Variants in ATP10A observed in about 807,000 individuals in gnomAD.
ATP10A encodes ATPase phospholipid transporting 10A (putative), also known as phospholipid-transporting ATPase VA.
ATP10A carries 111 observed loss-of-function variants against 147.8 expected under a neutral mutation model. The ratio of observed to expected loss-of-function variants is 0.75; its 90% CI spans 0.64 to 0.88. The LOEUF is 0.88. Among genes scored for constraint, ATP10A ranks in the 40% least tolerant of loss-of-function variants. The pLI, the probability that ATP10A is intolerant of heterozygous loss-of-function variation, is 0.00. For missense variants in ATP10A, 1,927 were observed against 1,959.0 expected (o/e 0.98, Z 0.31); for synonymous variants, 875 against 841.6 (o/e 1.04, Z -0.69).
At chr15:25,863,392 G>T (rs1000646491), upstream of ATP10A, among the ~76,000 whole-genome samples, 5 of 152,062 alleles carry the variant, frequency 3.3e-5, no homozygotes, top group Non-Finnish European at 7.4e-5. Flanking sequence ...CGTTTCCGCC[G>T]CGGTGGCCAC....
chr15:25,855,563 C>CACACACACACACACACAT (rs1396428386), intron 1 of ATP10A, among the ~76,000 whole-genome samples: 1 of 151,800 alleles, frequency 6.6e-6, no homozygotes, highest in African/African-American at 2.4e-5. Flanking sequence ...CACACACACA[C>CACACACACACACACACAT]ACACACACAC....
downstream of ATP10A, among the ~76,000 whole-genome samples, chr15:25,676,937 A>G (rs1899149366): frequency 6.6e-6 from 1 of 152,196 alleles, no homozygotes; most frequent in African/African-American, 2.4e-5. Context: ...GAATGCCTTC[A>G]GTGTTTCAGG....
chr15:25,839,272 A>G (rs1892711052), intron 1 of ATP10A, among the ~76,000 whole-genome samples: 1 of 152,334 alleles, frequency 6.6e-6, no homozygotes, highest in East Asian at 1.9e-4. Flanking sequence ...CATAACTACA[A>G]GAACAAGTAC....
At chr15:25,846,871 T>C (rs1042135886) in intron 1 of ATP10A, among the ~76,000 whole-genome samples, 3 of 152,212 alleles carry the variant, frequency 2.0e-5, no homozygotes, top group South Asian at 2.1e-4. Flanking sequence ...TTTCAATAGA[T>C]ATAAGATATT....
At chr15:25,695,238 TC>T in intron 13 of ATP10A, 92 bp from the exon 14 acceptor site, 1 of 1,275,578 alleles carries the variant, frequency 7.8e-7, no homozygotes, top group Non-Finnish European at 1.1e-6. Flanking sequence ...CTGACATCCT[TC>T]CGGGCTCCAG....
At chr15:25,820,672 A>C (rs755789060) in intron 1 of ATP10A, among the ~76,000 whole-genome samples, 3 of 152,196 alleles carry the variant, frequency 2.0e-5, no homozygotes, top group Non-Finnish European at 4.4e-5. Context: ...GAGTACAATA[A>C]AGGTCGAATT....
intron 13 of ATP10A, among the ~76,000 whole-genome samples, chr15:25,700,329 T>A (rs1422834412): frequency 6.6e-6 from 1 of 152,214 alleles, no homozygotes; most frequent in Non-Finnish European, 1.5e-5. Flanking sequence ...CACATTCACA[T>A]CTAACCTAGG....
chr15:25,732,798 G>A (rs953399660), intron 3 of ATP10A, among the ~76,000 whole-genome samples: 5 of 151,774 alleles, frequency 3.3e-5, no homozygotes, highest in Non-Finnish European at 7.4e-5. Context: ...CTCATGATCT[G>A]CCCGCCCCGG....
chr15:25,683,504 A>G lies in ATP10A; in HGVS notation c.3292-18T>C. On this transcript the variant is annotated intron_variant, in intron 16 of 20. Transcript: ENST00000555815. Reference sequence around the variant, plus strand: ...ACGAACATCTGAAATCAAGAAAGGAAGAACAGGAACAGGCGAGTCTTCAGC... The same window carrying G: ...ACGAACATCTGAAATCAAGAAAGGAGGAACAGGAACAGGCGAGTCTTCAGC... The G allele has an allele frequency of 6.2e-7, 1 of 1,604,162 alleles. No individual in the cohort carries two copies.
At chr15:25,751,863 A>C (rs1888170743) in intron 2 of ATP10A, among the ~76,000 whole-genome samples, 1 of 152,184 alleles carries the variant, frequency 6.6e-6, no homozygotes, top group South Asian at 2.1e-4. Flanking sequence ...GATCTGAATA[A>C]ACATTGCTTA....
intron 13 of ATP10A, among the ~76,000 whole-genome samples, chr15:25,698,355 GA>G (rs1900467290): frequency 6.6e-6 from 1 of 152,300 alleles, no homozygotes; most frequent in Middle Eastern, 3.4e-3. Flanking sequence ...CACGACCAAG[GA>G]AAGAGTCAGT....
Position 25,862,937 on chromosome 15 carries a change from C to G in ATP10A, c.160G>C (p.Gly54Arg). The change falls in exon 1 of 21, where the codon GGG (glycine) becomes CGG (arginine). Residue 54 changes from glycine (G) to arginine (R), a missense_variant. Gly to Arg is a moderately radical substitution (Grantham distance 125). Coordinates refer to ENST00000555815, the MANE Select transcript of ATP10A (RefSeq NM_024490.4). ...AAKGERRRRR[G>R]CAQHLADNRL... ...TTGTCGGCCAGGTGCTGGGCACACC[C>G]GCGCCGCCGTCGCCGCTCGCCCTTG... 6.3e-7 allele frequency: 1 copy of G among 1,580,650 alleles called. No homozygotes were observed. Among genetic ancestry groups the G allele is most frequent in the Non-Finnish European group, 8.6e-7 (1 of 1,167,584 alleles).
intron 12 of ATP10A, among the ~76,000 whole-genome samples, chr15:25,702,345 C>T (rs765494033): frequency 1.3e-5 from 2 of 152,172 alleles, no homozygotes; most frequent in Admixed American, 6.5e-5. Context: ...CAGTCGAGTG[C>T]GTAGGAATAA....
At chr15:25,709,148 T>G (rs531997931) in intron 10 of ATP10A, 1 of 152,166 alleles carries the variant, frequency 6.6e-6, no homozygotes, top group South Asian at 2.1e-4. Context: ...AGTACACATA[T>G]AGAACATAAA....
rs1407894851 is a variant in ATP10A, at chr15:25,862,893, C to T, written c.204G>A (p.Lys68=). ...TGGGCAGGAAGGACAGCAGCGTGTA[C>T]TTGGTAGTCTTGAGCCGGTTGTCGG... ...HLADNRLKTT[K]YTLLSFLPKN... Residue 68 remains lysine (K), a synonymous_variant, in exon 1 of 21, where the codon AAG becomes AAA. Coordinates refer to ENST00000555815, the MANE Select transcript of ATP10A (RefSeq NM_024490.4). 1.9e-6 allele frequency: 3 copies of T among 1,611,668 alleles called. No individual in the cohort carries two copies. The highest frequency in any genetic ancestry group is 1.7e-5 in the Admixed American group (1 of 59,932).
At chr15:25,849,565 A>C (rs1251688332) in intron 1 of ATP10A, among the ~76,000 whole-genome samples, 1 of 152,140 alleles carries the variant, frequency 6.6e-6, no homozygotes, top group African/African-American at 2.4e-5. Flanking sequence ...GACGCTTTAC[A>C]GAGGAATTAA....
intron 1 of ATP10A, among the ~76,000 whole-genome samples, chr15:25,816,587 T>C (rs1400093445): frequency 6.6e-6 from 1 of 152,202 alleles, no homozygotes; most frequent in East Asian, 1.9e-4. Flanking sequence ...TGCCATTCCT[T>C]TCATACCTCT....
At chr15:25,757,981 C>T (rs112950538) in intron 2 of ATP10A, among the ~76,000 whole-genome samples, 1 of 11,598 alleles carries the variant, frequency 8.6e-5, no homozygotes, top group African/African-American at 1.9e-4. Context: ...TAACTCATTC[C>T]GATCACCTGC....
chr15:25,707,836 G>C, intron 12 of ATP10A, 140 bp downstream of exon 12: 1 of 1,225,560 alleles, frequency 8.2e-7, no homozygotes, highest in Non-Finnish European at 1.1e-6. Flanking sequence ...CTCCCGCCTC[G>C]GCTGTGCCAG....
Sources: gnomAD v4.1 joint callset for allele counts (sites outside exome capture counted in the v4.1 genomes callset) on GRCh38, gnomAD v4.1.1 for gene constraint, MANE v1.5 for transcripts, NCBI Gene and HGNC (gene_info 2026-07-23, HGNC 2026-07-21) for gene names.